Variants in KAZN observed in about 807,000 individuals in gnomAD.
KAZN encodes the protein kazrin.
KAZN carries 40 observed loss-of-function variants against 87.4 expected under a neutral mutation model. That is an observed-to-expected ratio of 0.46 (90% CI 0.36 to 0.60). KAZN has a LOEUF of 0.60. KAZN is among the 20% of genes least tolerant of loss of function. KAZN has a pLI of 0.00. For missense variants in KAZN, 898 were observed against 1,073.9 expected, an observed-to-expected ratio of 0.84 and a Z score of 2.29; for synonymous variants, 466 against 458.3, an observed-to-expected ratio of 1.02 and a Z score of -0.22.
At chr1:14,757,274 C>T (rs183627673) in intron 1 of KAZN, among the ~76,000 whole-genome samples, 31 of 152,322 alleles carry the variant, frequency 2.0e-4, no homozygotes, top group African/African-American at 7.5e-4. Context: ...CAGCTCAGCC[C>T]ATAGTTCTCA....
rs867467481 is a variant in KAZN, at chr1:14,429,775, G to A, written c.250-169208G>A. ...CACCGTCGTCGTCGTCATCATCATC[G>A]TCATCATCCCGACGTCATCGTTCCT... On this transcript the variant is annotated intron_variant, in intron 2 of 16. Transcript: ENST00000636203. Among the ~76,000 whole-genome samples the A allele has an allele frequency of 4.6e-5, 7 of 152,208 alleles. No homozygotes were observed. In the South Asian group the frequency reaches 1.0e-3, roughly 23 times the overall value.
At position 14,115,512 on chromosome 1, in the gene KAZN, T is replaced by C. The variant is rs1465895057; in HGVS notation, c.92-64923T>C. ...CTTCTCTTTGCTGCTATGTGAGATGTGCCTTTTACCTTCCACCATGATTGT... is the reference window on the plus strand; with the variant it reads ...CTTCTCTTTGCTGCTATGTGAGATGCGCCTTTTACCTTCCACCATGATTGT... On this transcript the variant is annotated intron_variant, in intron 1 of 16. Coordinates refer to the KAZN transcript ENST00000636203. 2.0e-5 allele frequency among the ~76,000 whole-genome samples: 3 copies of C among 152,364 alleles called. No individual in the cohort carries two copies. The East Asian group carries it at 5.8e-4, about 29-fold the overall frequency.
At chr1:14,658,962 C>A (rs1248680679) in intron 1 of KAZN, among the ~76,000 whole-genome samples, 2 of 152,248 alleles carry the variant, frequency 1.3e-5, no homozygotes, top group South Asian at 4.1e-4. Context: ...GGGCTGGGAG[C>A]AATGAATGGC....
intron 2 of KAZN, among the ~76,000 whole-genome samples, chr1:14,276,168 T>G (rs955645300): frequency 4.6e-5 from 2 of 43,334 alleles, no homozygotes; most frequent in African/African-American, 1.2e-4. Context: ...AGGGTGTGTG[T>G]GTGTGTGTGT....
intron 1 of KAZN, among the ~76,000 whole-genome samples, chr1:13,983,686 G>A (rs182241390): frequency 4.6e-5 from 7 of 152,366 alleles, no homozygotes; most frequent in East Asian, 1.9e-4. Context: ...TGCCGAGAGC[G>A]AGCGAGGGCT....
At chr1:15,051,370 C>G (rs1573193533) in intron 4 of KAZN, among the ~76,000 whole-genome samples, 1 of 152,238 alleles carries the variant, frequency 6.6e-6, no homozygotes, top group African/African-American at 2.4e-5. Context: ...CCTGTGCTGC[C>G]ATCTCCCCTT....
At chr1:14,474,970 A>T (rs1668639606) in intron 2 of KAZN, among the ~76,000 whole-genome samples, 1 of 152,102 alleles carries the variant, frequency 6.6e-6, no homozygotes, top group Non-Finnish European at 1.5e-5. Context: ...ATGGATGGAT[A>T]GATGGATGAA....
At chr1:14,040,516 C>G (rs1189511232) in intron 1 of KAZN, among the ~76,000 whole-genome samples, 2 of 152,178 alleles carry the variant, frequency 1.3e-5, no homozygotes, top group Non-Finnish European at 2.9e-5. Context: ...AATTCCAGCA[C>G]TTTGGGAGGC....
chr1:13,959,477 A>G (rs1004990929), intron 1 of KAZN, among the ~76,000 whole-genome samples: 2 of 152,198 alleles, frequency 1.3e-5, no homozygotes, highest in African/African-American at 4.8e-5. Flanking sequence ...CAGCACACTT[A>G]GAAATGCTTC....
At chr1:15,090,858 A>C (rs1394543989) in intron 8 of KAZN, among the ~76,000 whole-genome samples, 1 of 152,142 alleles carries the variant, frequency 6.6e-6, no homozygotes, top group African/African-American at 2.4e-5. Flanking sequence ...GAGGAAACTG[A>C]GGCACAAGGT....
Position 14,587,078 on chromosome 1 carries a change from G to A in KAZN, c.250-11905G>A, listed in dbSNP as rs184798370. 1.5e-3 allele frequency among the ~76,000 whole-genome samples: 227 copies of A among 152,226 alleles called. 1 individual carries two copies. Among genetic ancestry groups the A allele is most frequent in the African/African-American group, 4.6e-3 (193 of 41,548 alleles). ...TGAAGCAGAAGATTAATAATTACAC[G>A]TATATTCATTCTTCCCTGTATTAGT... is the stretch of plus-strand genomic sequence containing the variant. On this transcript the variant is annotated intron_variant, in intron 2 of 16. Coordinates refer to the KAZN transcript ENST00000636203.
intron 1 of KAZN, among the ~76,000 whole-genome samples, chr1:14,930,285 C>T (rs368070769): frequency 2.0e-5 from 3 of 152,296 alleles, no homozygotes; most frequent in African/African-American, 7.2e-5. Context: ...CTAGTTTGGG[C>T]TGTAACTTTA....
intron 2 of KAZN, among the ~76,000 whole-genome samples, chr1:14,237,115 T>C (rs1648498402): frequency 6.6e-6 from 1 of 152,200 alleles, no homozygotes; most frequent in Non-Finnish European, 1.5e-5. Flanking sequence ...GTACTAAGTG[T>C]GACCCTTTTA....
intron 1 of KAZN, among the ~76,000 whole-genome samples, chr1:14,947,113 G>T (rs1004892148): frequency 1.3e-5 from 2 of 152,166 alleles, no homozygotes; most frequent in African/African-American, 4.8e-5. Flanking sequence ...AGCAGGGCTG[G>T]GCTCTCCCGG....
At chr1:15,034,318 A>G (rs1672029857) in intron 2 of KAZN, among the ~76,000 whole-genome samples, 1 of 152,204 alleles carries the variant, frequency 6.6e-6, no homozygotes, top group Non-Finnish European at 1.5e-5. Flanking sequence ...GAAATGAGGC[A>G]GGAGGGGCTG....
intron 2 of KAZN, among the ~76,000 whole-genome samples, chr1:14,429,241 A>G (rs967261775): frequency 6.6e-6 from 1 of 152,192 alleles, no homozygotes; most frequent in African/African-American, 2.4e-5. Flanking sequence ...TCTCTGAGGA[A>G]TGAAGCCCCA....
Position 14,363,117 on chromosome 1 carries a change from T to G in KAZN, c.249+182525T>G, listed in dbSNP as rs535915107. On this transcript the variant is annotated intron_variant, in intron 2 of 16. Coordinates refer to the KAZN transcript ENST00000636203. ...GAGCTTCACTCCAGGGAGCCATGGT[T>G]GCATTTTTTAAACGAAATCCAATTC... 7.2e-5 allele frequency among the ~76,000 whole-genome samples: 11 copies of G among 152,262 alleles called. No homozygotes were observed. In the South Asian group the frequency reaches 2.1e-3, roughly 29 times the overall value.
intron 1 of KAZN, among the ~76,000 whole-genome samples, chr1:14,891,018 G>A (rs1654657034): frequency 6.6e-6 from 1 of 150,744 alleles, no homozygotes; most frequent in Non-Finnish European, 1.5e-5. Context: ...TAACTTTTTT[G>A]TATTTTTAGT....
intron 1 of KAZN, among the ~76,000 whole-genome samples, chr1:14,789,904 AACC>A (rs1645623773): frequency 6.6e-6 from 1 of 151,928 alleles, no homozygotes; most frequent in African/African-American, 2.4e-5. Flanking sequence ...GACATCTCCT[AACC>A]ACCATTTGTC....
Sources: gnomAD v4.1 joint callset for allele counts (sites outside exome capture counted in the v4.1 genomes callset) on GRCh38, gnomAD v4.1.1 for gene constraint, MANE v1.5 for transcripts, NCBI Gene and HGNC (gene_info 2026-07-23, HGNC 2026-07-21) for gene names.